Variants in ROR1 observed in about 807,000 individuals in gnomAD.
ROR1 encodes ROR family WNT receptor 1.
A neutral mutation model predicts 78.8 loss-of-function variants in ROR1; 19 were observed. That is an observed-to-expected ratio of 0.24 (90% CI 0.17 to 0.35). The LOEUF is 0.35. Ranked by LOEUF, ROR1 falls within the 10% of genes least tolerant of loss-of-function variation. The pLI is 1.00. For missense variants in ROR1, 917 were observed against 1,177.8 expected, an observed-to-expected ratio of 0.78 and a Z score of 3.24; for synonymous variants, 386 against 433.6, an observed-to-expected ratio of 0.89 and a Z score of 1.36.
At chr1:63,850,991 G>T (rs1645110646) in intron 1 of ROR1, among the ~76,000 whole-genome samples, 1 of 152,020 alleles carries the variant, frequency 6.6e-6, no homozygotes, top group Non-Finnish European at 1.5e-5. Flanking sequence ...TTGTTTGTTT[G>T]TTTGTTTGAG....
intron 4 of ROR1, among the ~76,000 whole-genome samples, chr1:64,128,455 T>C (rs1226579872): frequency 6.6e-6 from 1 of 151,900 alleles, no homozygotes; most frequent in African/African-American, 2.4e-5. Context: ...GGTGACAGAG[T>C]GAGATCCTGT....
chr1:63,779,437 C>T (rs1644637878), intron 1 of ROR1, among the ~76,000 whole-genome samples: 1 of 152,034 alleles, frequency 6.6e-6, no homozygotes, highest in African/African-American at 2.4e-5. Context: ...CCTGGCTTCA[C>T]CCATTCCCTG....
rs78638197 is a variant in ROR1, at chr1:64,048,512, A to G, written c.164-1179A>G. ...ACGGAAGGACATAGGACAATGAGAAAGTATGGCAGGGGATCTATCCAAGAA... is the reference window on the plus strand; with the variant it reads ...ACGGAAGGACATAGGACAATGAGAAGGTATGGCAGGGGATCTATCCAAGAA... On this transcript the variant is annotated intron_variant, in intron 2 of 8. Coordinates refer to ENST00000371079, the MANE Select transcript of ROR1 (RefSeq NM_005012.4). Among the ~76,000 whole-genome samples, 587 of 152,318 alleles carry G rather than the reference A, an allele frequency of 3.9e-3. 7 individuals carry two copies. Among genetic ancestry groups the G allele is most frequent in the African/African-American group, 0.013 (558 of 41,578 alleles).
chr1:63,915,240 C>T (rs1645600072), intron 1 of ROR1, among the ~76,000 whole-genome samples: 1 of 152,170 alleles, frequency 6.6e-6, no homozygotes. Flanking sequence ...TTTTTCTGGG[C>T]CTGTGGGCAA....
intron 4 of ROR1, among the ~76,000 whole-genome samples, chr1:64,094,271 C>T (rs796110077): frequency 2.6e-5 from 4 of 152,230 alleles, no homozygotes; most frequent in African/African-American, 7.2e-5. Flanking sequence ...TCTGTCATTC[C>T]TCTACCCTAT....
intron 1 of ROR1, among the ~76,000 whole-genome samples, chr1:63,961,481 T>C (rs1458540194): frequency 6.6e-6 from 1 of 152,234 alleles, no homozygotes; most frequent in Non-Finnish European, 1.5e-5. Context: ...GTGGTACATA[T>C]ACACAATGGA....
At chr1:63,887,233 T>G (rs199599643) in intron 1 of ROR1, among the ~76,000 whole-genome samples, 42 of 140,036 alleles carry the variant, frequency 3.0e-4, no homozygotes, top group Admixed American at 5.8e-4. Context: ...GATGGGGGGG[T>G]TTGGGGATGT....
At chr1:63,876,787 G>A (rs192138697) in intron 1 of ROR1, among the ~76,000 whole-genome samples, 21 of 151,620 alleles carry the variant, frequency 1.4e-4, no homozygotes, top group Admixed American at 1.4e-3. Flanking sequence ...TGGCTATACA[G>A]CAATGAGGTT....
chr1:63,878,924 C>T (rs1210660870), intron 1 of ROR1, among the ~76,000 whole-genome samples: 2 of 152,030 alleles, frequency 1.3e-5, no homozygotes, highest in African/African-American at 4.8e-5. Context: ...AGGTCCTGAG[C>T]CTCCATTTGT....
chr1:64,169,260 G>C (rs1650173162), intron 8 of ROR1, among the ~76,000 whole-genome samples: 2 of 152,172 alleles, frequency 1.3e-5, no homozygotes, highest in South Asian at 4.1e-4. Context: ...TGCTGATAAA[G>C]ACATACCTGA....
Position 63,782,563 on chromosome 1 carries a change from T to G in ROR1, c.91+8055T>G, listed in dbSNP as rs1345672669. On this transcript the variant is annotated intron_variant, in intron 1 of 8. Coordinates refer to ENST00000371079, the MANE Select transcript of ROR1 (RefSeq NM_005012.4). Reference sequence around the variant, plus strand: ...TTTGAGGTTTTTTTTTTTTGTTTTTTTTTTTGTTACAGCTGCTAATGTTAC... The same window carrying G: ...TTTGAGGTTTTTTTTTTTTGTTTTTGTTTTTGTTACAGCTGCTAATGTTAC... Among the ~76,000 whole-genome samples, 8 of 151,842 alleles carry G rather than the reference T, an allele frequency of 5.3e-5. No homozygotes were observed. The East Asian group carries it at 7.7e-4, about 15-fold the overall frequency.
chr1:63,956,850 G>C (rs1017041807), intron 1 of ROR1, among the ~76,000 whole-genome samples: 2 of 152,098 alleles, frequency 1.3e-5, no homozygotes, highest in African/African-American at 2.4e-5. Context: ...TGGTTACTTG[G>C]ATATCCTTCT....
intron 1 of ROR1, among the ~76,000 whole-genome samples, chr1:63,945,924 G>T (rs1420425809): frequency 6.6e-6 from 1 of 152,190 alleles, no homozygotes; most frequent in Non-Finnish European, 1.5e-5. Flanking sequence ...GGAGAACTGG[G>T]GAGCCCCCAG....
chr1:64,014,773 T>TATATATATATATACACACAC lies in ROR1; in HGVS notation c.163+5398_163+5399insTATATATATATACACACACA, dbSNP rs71056017. ...ATATATATATATATATATATATATA[T>TATATATATATATACACACAC]ACACATTTTGTCCTGGTTTGCCTTT... is the stretch of plus-strand genomic sequence containing the variant. On this transcript the variant is annotated intron_variant, in intron 2 of 8. Coordinates refer to ENST00000371079, the MANE Select transcript of ROR1 (RefSeq NM_005012.4). Among the ~76,000 whole-genome samples the TATATATATATATACACACAC allele has an allele frequency of 3.4e-4, 16 of 47,000 alleles. 1 individual carries two copies. The highest frequency in any genetic ancestry group is 1.3e-3 in the Admixed American group (4 of 3,128). 30.8% of individuals were successfully genotyped at this position (47,000 alleles called of 152,430 possible).
At chr1:63,975,720 GT>G (rs1646154499) in intron 1 of ROR1, among the ~76,000 whole-genome samples, 1 of 152,152 alleles carries the variant, frequency 6.6e-6, no homozygotes, top group Non-Finnish European at 1.5e-5. Flanking sequence ...CCTGTCTGAG[GT>G]TTATGCTATA....
chr1:64,017,701 G>A (rs1235706802), intron 2 of ROR1, among the ~76,000 whole-genome samples: 4 of 152,116 alleles, frequency 2.6e-5, no homozygotes, highest in Non-Finnish European at 4.4e-5. Flanking sequence ...CTAGAGGAAC[G>A]AGGCCCTGTG....
chr1:63,855,034 G>T (rs1399834023), intron 1 of ROR1, among the ~76,000 whole-genome samples: 1 of 151,672 alleles, frequency 6.6e-6, no homozygotes, highest in Non-Finnish European at 1.5e-5. Context: ...TTTGATCTGT[G>T]GTTGATTGAA....
At chr1:64,021,867 G>C (rs1646567764) in intron 2 of ROR1, among the ~76,000 whole-genome samples, 1 of 151,980 alleles carries the variant, frequency 6.6e-6, no homozygotes, top group Non-Finnish European at 1.5e-5. Context: ...AAAATAAGTA[G>C]AAGACATAAA....
chr1:63,960,790 G>A (rs952190666), intron 1 of ROR1, among the ~76,000 whole-genome samples: 3 of 152,146 alleles, frequency 2.0e-5, no homozygotes, highest in African/African-American at 7.2e-5. Flanking sequence ...AATACAAAAA[G>A]GATTAGGTTT....
Sources: gnomAD v4.1 joint callset for allele counts (sites outside exome capture counted in the v4.1 genomes callset) on GRCh38, gnomAD v4.1.1 for gene constraint, MANE v1.5 for transcripts, NCBI Gene and HGNC (gene_info 2026-07-23, HGNC 2026-07-21) for gene names.